Variants in KCNH7 observed in about 807,000 individuals in gnomAD.
KCNH7 encodes potassium voltage-gated channel subfamily H member 7, also known as voltage-gated inwardly rectifying potassium channel KCNH7.
In KCNH7, 49 loss-of-function variants were observed where a neutral mutation model predicts 120.8. The observed-to-expected ratio is 0.41, with a 90% confidence interval of 0.32 to 0.51. The LOEUF is 0.51. KCNH7 is among the 20% of genes least tolerant of loss of function. The pLI is 0.38. For synonymous variants in KCNH7, 547 were observed against 516.1 expected (o/e 1.06, Z -0.81); for missense variants, 1,097 against 1,446.6 (o/e 0.76, Z 3.92).
intron 6 of KCNH7, among the ~76,000 whole-genome samples, chr2:162,448,564 C>T (rs754659122): frequency 1.5e-4 from 23 of 152,048 alleles, no homozygotes; most frequent in Admixed American, 1.3e-3. Context: ...AAATAAGTCA[C>T]TTTTAATGAC....
intron 5 of KCNH7, among the ~76,000 whole-genome samples, chr2:162,507,807 C>T (rs188996133): frequency 2.9e-4 from 44 of 151,566 alleles, no homozygotes; most frequent in Middle Eastern, 6.8e-3. Flanking sequence ...TTAGTTACTT[C>T]CCATTTTTAA....
At chr2:162,492,113 T>C (rs1426357754) in intron 6 of KCNH7, among the ~76,000 whole-genome samples, 1 of 152,202 alleles carries the variant, frequency 6.6e-6, no homozygotes, top group African/African-American at 2.4e-5. Flanking sequence ...CCTCTCCCTG[T>C]GCAAACCAGT....
At chr2:162,536,065 G>A (rs997245818) in intron 3 of KCNH7, among the ~76,000 whole-genome samples, 1 of 151,838 alleles carries the variant, frequency 6.6e-6, no homozygotes, top group African/African-American at 2.4e-5. Flanking sequence ...TCCGGGGAAA[G>A]GAAGTGATTT....
intron 2 of KCNH7, among the ~76,000 whole-genome samples, chr2:162,580,998 A>C (rs1693847963): frequency 6.6e-6 from 1 of 152,118 alleles, no homozygotes; most frequent in South Asian, 2.1e-4. Flanking sequence ...AGGATGGTCA[A>C]TGAAGTATTT....
intron 14 of KCNH7, among the ~76,000 whole-genome samples, chr2:162,375,930 T>A (rs1297231660): frequency 6.6e-6 from 1 of 151,160 alleles, no homozygotes; most frequent in African/African-American, 2.4e-5. Context: ...AGAGGACTCT[T>A]ATACTGAGAC....
intron 2 of KCNH7, among the ~76,000 whole-genome samples, chr2:162,638,983 C>T (rs895457128): frequency 3.3e-5 from 5 of 152,074 alleles, no homozygotes; most frequent in African/African-American, 1.2e-4. Flanking sequence ...TCTTTGTTAT[C>T]GGGGATGCTG....
chr2:162,671,639 C>T (rs1429792664), intron 2 of KCNH7, among the ~76,000 whole-genome samples: 1 of 151,878 alleles, frequency 6.6e-6, no homozygotes, highest in African/African-American at 2.4e-5. Flanking sequence ...TGTGGGTACA[C>T]TAAAAACCCA....
intron 3 of KCNH7, among the ~76,000 whole-genome samples, chr2:162,524,627 T>C (rs1691639925): frequency 1.3e-5 from 2 of 151,968 alleles, no homozygotes; most frequent in Admixed American, 1.3e-4. Flanking sequence ...AAGCCCGACA[T>C]TAAATTTGAA....
At chr2:162,415,153 A>AAAAAAAC in intron 9 of KCNH7, among the ~76,000 whole-genome samples, 1 of 151,866 alleles carries the variant, frequency 6.6e-6, no homozygotes. Context: ...TTTTTTAAAA[A>AAAAAAAC]AAAAAACAAA....
chr2:162,621,558 G>T (rs1030368090), intron 2 of KCNH7, among the ~76,000 whole-genome samples: 4 of 151,996 alleles, frequency 2.6e-5, no homozygotes, highest in Non-Finnish European at 5.9e-5. Context: ...TGTACCACTT[G>T]CTGAGTGGGT....
In KCNH7 at chr2:162,685,282, C is replaced by T. The variant is rs192922252; in HGVS notation, c.308-148202G>A. ...ATGGGTGCAGCAAACCACCATGGCA[C>T]ATGTATACCTATGTAAAAGACCTGC... On this transcript the variant is annotated intron_variant, in intron 2 of 15. Transcript: ENST00000332142. 1.3e-4 allele frequency among the ~76,000 whole-genome samples: 20 copies of T among 152,034 alleles called. 1 individual carries two copies. The highest frequency in any genetic ancestry group is 7.9e-4 in the Admixed American group (12 of 15,246).
chr2:162,836,394 T>C (rs1685665340), intron 2 of KCNH7, 143 bp downstream of exon 2: 8 of 648,706 alleles, frequency 1.2e-5, no homozygotes, highest in Non-Finnish European at 1.9e-5. Context: ...AGAATACCCA[T>C]ATATGTTGGA....
intron 2 of KCNH7, among the ~76,000 whole-genome samples, chr2:162,827,722 G>A (rs1201780527): frequency 6.6e-6 from 1 of 152,116 alleles, no homozygotes; most frequent in East Asian, 1.9e-4. Context: ...AGGCAATGTG[G>A]TAGAGTTTGC....
chr2:162,463,518 T>C (rs544377954), intron 6 of KCNH7, among the ~76,000 whole-genome samples: 109 of 152,108 alleles, frequency 7.2e-4, no homozygotes, highest in Non-Finnish European at 1.3e-3. Flanking sequence ...GTTTGCCATA[T>C]TTTCTGTACC....
At chr2:162,611,029 C>G (rs1682944961) in intron 2 of KCNH7, among the ~76,000 whole-genome samples, 1 of 152,156 alleles carries the variant, frequency 6.6e-6, no homozygotes, top group Non-Finnish European at 1.5e-5. Context: ...ATTAAAGGTA[C>G]AGCATATGAG....
chr2:162,592,294 G>T (rs1159731006), intron 2 of KCNH7, among the ~76,000 whole-genome samples: 2 of 152,064 alleles, frequency 1.3e-5, no homozygotes, highest in African/African-American at 4.8e-5. Flanking sequence ...TGATATGGTT[G>T]TAAGTATTTA....
chr2:162,560,329 TC>T (rs1252385470), intron 2 of KCNH7, among the ~76,000 whole-genome samples: 1 of 152,186 alleles, frequency 6.6e-6, no homozygotes, highest in Non-Finnish European at 1.5e-5. Context: ...TCTTCTTACC[TC>T]CTGGCAAGTG....
intron 2 of KCNH7, among the ~76,000 whole-genome samples, chr2:162,691,825 C>A (rs1431749533): frequency 1.3e-5 from 2 of 152,040 alleles, no homozygotes; most frequent in East Asian, 3.9e-4. Flanking sequence ...ATTGCTGTTA[C>A]TACTAATTAA....
intron 6 of KCNH7, among the ~76,000 whole-genome samples, chr2:162,453,037 A>C: frequency 6.6e-6 from 1 of 151,938 alleles, no homozygotes; most frequent in Non-Finnish European, 1.5e-5. Context: ...GGTTTGCTGC[A>C]CCTATCAACC....
Sources: gnomAD v4.1 joint callset for allele counts (sites outside exome capture counted in the v4.1 genomes callset) on GRCh38, gnomAD v4.1.1 for gene constraint, MANE v1.5 for transcripts, NCBI Gene and HGNC (gene_info 2026-07-23, HGNC 2026-07-21) for gene names.